The following RNF144A variants were observed in gnomAD, a reference collection of about 807,000 sequenced individuals.
RNF144A encodes the protein ring finger protein 144A, also known as E3 ubiquitin-protein ligase RNF144A.
A neutral mutation model predicts 38.7 loss-of-function variants in RNF144A; 11 were observed. The ratio of observed to expected loss-of-function variants is 0.28; its 90% CI spans 0.18 to 0.47. The LOEUF (loss-of-function observed/expected upper bound fraction) is 0.47, where lower values mean the gene tolerates loss of function less well. Ranked by LOEUF, RNF144A falls within the 20% of genes least tolerant of loss-of-function variation. The probability of loss-of-function intolerance (pLI) is 0.99; values close to 1 mark genes in which losing one functional copy is unlikely to be tolerated. For synonymous variants in RNF144A, 149 were observed against 143.9 expected, an observed-to-expected ratio of 1.04 and a Z score of -0.25; for missense variants, 316 against 377.2, an observed-to-expected ratio of 0.84 and a Z score of 1.34.
rs1270335436 is a variant in RNF144A at position 7,014,736 on chromosome 2, A to G, written c.265A>G (p.Ile89Val). Reference sequence around the variant, plus strand: ...GATTGAGTGCATGGTTGCAGCTGAAATTATGCAAAGATATAAAAAGCTACA... The same window carrying G: ...GATTGAGTGCATGGTTGCAGCTGAAGTTATGCAAAGATATAAAAAGCTACA... ...NEIECMVAAEIMQRYKKLQFE... is the reference protein window; with the variant it reads ...NEIECMVAAEVMQRYKKLQFE... The change falls in exon 5 of 9, where the codon ATT (isoleucine) becomes GTT (valine). Residue 89 changes from isoleucine to valine, a missense_variant. By Grantham distance (29) the Ile-to-Val change is conservative. Transcript: ENST00000320892. 6.2e-7 allele frequency: 1 copy of G among 1,613,528 alleles called. No individual in the cohort carries two copies. Among genetic ancestry groups the G allele is most frequent in the Non-Finnish European group, 8.5e-7 (1 of 1,179,608 alleles).
intron 6 of RNF144A, chr2:7,068,134 T>G (rs1674309807): frequency 8.5e-6 from 6 of 707,026 alleles, no homozygotes; most frequent in Non-Finnish European, 1.3e-5. Context: ...GTCCCTCTAT[T>G]GTGATGTGAT....
intron 2 of RNF144A, among the ~76,000 whole-genome samples, chr2:6,976,084 A>AC (rs752483791): frequency 2.6e-5 from 4 of 152,084 alleles, no homozygotes; most frequent in Non-Finnish European, 4.4e-5. Context: ...TACAAACAAG[A>AC]CCCCAGTGAC....
chr2:7,033,831 T>G (rs1672482456), intron 8 of RNF144A, among the ~76,000 whole-genome samples: 1 of 152,264 alleles, frequency 6.6e-6, no homozygotes, highest in Non-Finnish European at 1.5e-5. Context: ...ACTGGTCCTG[T>G]GCCTGGGGCA....
At chr2:6,934,317 C>T (rs981175377) in intron 1 of RNF144A, among the ~76,000 whole-genome samples, 1 of 152,078 alleles carries the variant, frequency 6.6e-6, no homozygotes, top group African/African-American at 2.4e-5. Flanking sequence ...TTCTGTGAAC[C>T]TGTTCACATT....
intron 6 of RNF144A, among the ~76,000 whole-genome samples, chr2:7,052,943 C>A (rs1398818289): frequency 3.9e-5 from 6 of 152,112 alleles, no homozygotes; most frequent in African/African-American, 1.2e-4. Flanking sequence ...CATTTGTCTT[C>A]TTTCTCCTGC....
At chr2:6,976,241 G>A (rs962438728) in intron 2 of RNF144A, among the ~76,000 whole-genome samples, 11 of 152,202 alleles carry the variant, frequency 7.2e-5, no homozygotes, top group Admixed American at 3.9e-4. Flanking sequence ...TGTGAGTAAT[G>A]GTTGACCTAC....
At chr2:7,057,093 G>A (rs1264562132) in intron 6 of RNF144A, among the ~76,000 whole-genome samples, 1 of 152,074 alleles carries the variant, frequency 6.6e-6, no homozygotes, top group African/African-American at 2.4e-5. Context: ...ATGCTTATGG[G>A]GACTATTATA....
intron 6 of RNF144A, among the ~76,000 whole-genome samples, chr2:7,052,782 A>T (rs1376083458): frequency 6.6e-6 from 1 of 151,986 alleles, no homozygotes; most frequent in Admixed American, 6.5e-5. Context: ...TGTTCTCTGG[A>T]AATGCTCAGC....
intron 6 of RNF144A, among the ~76,000 whole-genome samples, chr2:7,055,016 T>C (rs1229775921): frequency 6.6e-6 from 1 of 152,164 alleles, no homozygotes; most frequent in Non-Finnish European, 1.5e-5. Context: ...GCCCTGCAGT[T>C]GCTTTACTCT....
chr2:7,049,466 T>C (rs1673431790), intron 6 of RNF144A, among the ~76,000 whole-genome samples: 1 of 152,218 alleles, frequency 6.6e-6, no homozygotes, highest in Non-Finnish European at 1.5e-5. Flanking sequence ...TTTTGTTTGC[T>C]GATTTCACCT....
chr2:7,014,532 A>G lies in RNF144A; in HGVS notation c.214A>G (p.Lys72Glu). Reference protein sequence around the residue: ...AISCPDAACPKQGHLQENEIE... With the variant: ...AISCPDAACPEQGHLQENEIE... The stretch of plus-strand genomic sequence containing the variant: ...TAGCTGCCCAGATGCTGCCTGCCCT[A>G]AACAGGGCCACCTACAGGAGAACGA... Residue 72 changes from lysine to glutamate, a missense_variant, in exon 4 of 9, where the codon AAA (lysine) becomes GAA (glutamate). Physicochemically the swap from Lys to Glu is moderately conservative, Grantham distance 56. Transcript: ENST00000320892. 6.2e-7 allele frequency: 1 copy of G among 1,606,920 alleles called. No individual in the cohort carries two copies. Among genetic ancestry groups the G allele is most frequent in the Middle Eastern group, 1.7e-4 (1 of 6,010 alleles).
intron 2 of RNF144A, among the ~76,000 whole-genome samples, chr2:6,969,051 C>A (rs945657189): frequency 6.6e-6 from 1 of 152,236 alleles, no homozygotes; most frequent in African/African-American, 2.4e-5. Flanking sequence ...ATACCCCATC[C>A]TTGGGGCTAA....
At chr2:6,968,971 A>T (rs1426298072) in intron 2 of RNF144A, among the ~76,000 whole-genome samples, 1 of 152,152 alleles carries the variant, frequency 6.6e-6, no homozygotes, top group Non-Finnish European at 1.5e-5. Flanking sequence ...TCAAGAGCGC[A>T]GCATGTGGTC....
rs768277479 is a variant in RNF144A at position 6,982,017 on chromosome 2, C to A, written c.-11-14899C>A. ...GAGAGAGAGCGCACAGGGGAAACTG[C>A]CACTTTTAAAACCATCGGATCTCGT... On this transcript the variant is annotated intron_variant, in intron 2 of 8. Coordinates refer to ENST00000320892, the MANE Select transcript of RNF144A (RefSeq NM_014746.6). Among the ~76,000 whole-genome samples the A allele has an allele frequency of 1.2e-4, 19 of 152,270 alleles. 1 individual carries two copies. The Middle Eastern group carries it at 0.02, about 164-fold the overall frequency.
intron 1 of RNF144A, among the ~76,000 whole-genome samples, chr2:6,936,504 C>T (rs1665593451): frequency 6.6e-6 from 1 of 152,082 alleles, no homozygotes; most frequent in Non-Finnish European, 1.5e-5. Context: ...GTAGTGATTT[C>T]AGCTGCTGCT....
Position 6,985,268 on chromosome 2 carries a change from C to CTTTTTTTTTTTTTT in RNF144A, c.-11-11647_-11-11646insTTTTTTTTTTTTTT, listed in dbSNP as rs1558405817. Among the ~76,000 whole-genome samples the CTTTTTTTTTTTTTT allele has an allele frequency of 3.9e-5, 5 of 128,614 alleles. 1 individual carries two copies. Among genetic ancestry groups the CTTTTTTTTTTTTTT allele is most frequent in the Non-Finnish European group, 3.2e-5 (2 of 61,782 alleles). The allele number at this position is 128,614 out of a possible 152,430, so 84.4% of individuals were successfully genotyped here. A position where few individuals can be genotyped will look rare whatever the true frequency, so the allele number is the denominator to read the frequency against. Reference sequence around the variant, plus strand: ...ATGTTTTAATTCATCTCCCTCCCCCCTCTTTTTTTTTTTTTTTTTTTTTTT... The same window carrying CTTTTTTTTTTTTTT: ...ATGTTTTAATTCATCTCCCTCCCCCCTTTTTTTTTTTTTTTCTTTTTTTTTTTTTTTTTTTTTTT... On this transcript the variant is annotated intron_variant, in intron 2 of 8. Coordinates refer to ENST00000320892, the MANE Select transcript of RNF144A (RefSeq NM_014746.6).
At chr2:6,999,794 A>G (rs990511203) in intron 3 of RNF144A, among the ~76,000 whole-genome samples, 14 of 152,234 alleles carry the variant, frequency 9.2e-5, no homozygotes, top group African/African-American at 3.4e-4. Flanking sequence ...CAGGAATAAA[A>G]ACAGAGTTTG....
chr2:6,937,286 GA>G (rs1489269710), intron 1 of RNF144A, among the ~76,000 whole-genome samples: 12 of 152,238 alleles, frequency 7.9e-5, no homozygotes, highest in Admixed American at 7.8e-4. Flanking sequence ...CTGGTGCTGA[GA>G]AAATGCGGAT....
At chr2:7,020,073 G>A (rs1004913725) in intron 5 of RNF144A, among the ~76,000 whole-genome samples, 5 of 152,154 alleles carry the variant, frequency 3.3e-5, no homozygotes, top group Admixed American at 1.3e-4. Flanking sequence ...GTCCCCTAGG[G>A]GAGGCAGATG....
Sources: gnomAD v4.1 joint callset for allele counts (sites outside exome capture counted in the v4.1 genomes callset) on GRCh38, gnomAD v4.1.1 for gene constraint, MANE v1.5 for transcripts, NCBI Gene and HGNC (gene_info 2026-07-23, HGNC 2026-07-21) for gene names.